Variants in SPRR3 observed in about 807,000 individuals in gnomAD.
SPRR3 encodes small proline-rich protein 3.
For synonymous variants in SPRR3, 58 were observed against 72.3 expected (o/e 0.80, Z 1.01); for missense variants, 183 against 200.3 (o/e 0.91, Z 0.52).
In SPRR3 at chr1:153,003,730, C is replaced by A; in HGVS notation, c.*200C>A. The A allele has an allele frequency of 1.3e-6, 1 of 779,330 alleles. No homozygotes were observed. The highest frequency in any genetic ancestry group is 2.0e-6 in the Non-Finnish European group (1 of 496,930). The allele number at this position is 779,330 out of a possible 1,614,324, so 48.3% of individuals were successfully genotyped here. ...CACACACTCTGAAGAATCCTGTAAGCCCCTGAATTAAGCAGAAAGTCTTCA... is the reference window on the plus strand; with the variant it reads ...CACACACTCTGAAGAATCCTGTAAGACCCTGAATTAAGCAGAAAGTCTTCA... On this transcript the variant is annotated 3_prime_UTR_variant, in exon 2 of 2. Transcript: ENST00000295367.
Position 153,003,590 on chromosome 1 carries a change from A to T in SPRR3, c.*60A>T. The T allele has an allele frequency of 6.3e-7, 1 of 1,586,094 alleles. No individual in the cohort carries two copies. The highest frequency in any genetic ancestry group is 8.6e-7 in the Non-Finnish European group (1 of 1,164,714). ...ACCAGATGCTGGACACCCTCTTCCC[A>T]TCTGTTTCTGTGTCTTAATTGTCTG... On this transcript the variant is annotated 3_prime_UTR_variant, in exon 2 of 2. Coordinates refer to ENST00000295367, the MANE Select transcript of SPRR3 (RefSeq NM_001097589.2).
chr1:153,001,827 T>C (rs556339256), intron 1 of SPRR3, 34 bp downstream of exon 1: 1 of 152,350 alleles, frequency 6.6e-6, no homozygotes, highest in East Asian at 1.9e-4. Context: ...CTTAATATTC[T>C]CCAATAGTTT....
Position 153,002,146 on chromosome 1 carries a change from G to C in SPRR3, c.-20+353G>C, listed in dbSNP as rs145727242. ...TATTGCATGAATGTATAATCCATTA[G>C]AAAACATATACTTGACTAAAATTTG... is the stretch of plus-strand genomic sequence containing the variant. On this transcript the variant is annotated intron_variant, in intron 1 of 1. Coordinates refer to ENST00000295367, the MANE Select transcript of SPRR3 (RefSeq NM_001097589.2). 478 of 152,376 alleles carry C rather than the reference G, an allele frequency of 3.1e-3. 1 individual carries two copies. The highest frequency in any genetic ancestry group is 0.011 in the African/African-American group (453 of 41,564). The allele number at this position is 152,376 out of a possible 1,614,324, so 9.4% of individuals were successfully genotyped here.
chr1:153,002,743 C>G (rs10494286), intron 1 of SPRR3: 5,837 of 476,276 alleles, frequency 0.012, 258 homozygotes, highest in African/African-American at 0.1. Flanking sequence ...TCATGTTGTA[C>G]GTAGGTTTTT....
chr1:153,003,221 C>T lies in SPRR3; in HGVS notation c.201C>T (p.Thr67=), dbSNP rs1173994597. The T allele has an allele frequency of 1.3e-6, 2 of 1,586,862 alleles. No homozygotes were observed. The highest frequency in any genetic ancestry group is 2.7e-5 in the African/African-American group (2 of 72,814). Residue 67 remains threonine, a synonymous_variant, in exon 2 of 2, where the codon ACC becomes ACT. Transcript: ENST00000295367. ...GCTKVPEPGC[T]KVPEPGCTKV... ...CCAAGGTCCCTGAGCCAGGCTGTAC[C>T]AAGGTCCCTGAGCCAGGCTGTACCA...
At chr1:153,002,515 C>T (rs1267766381) in intron 1 of SPRR3, 1 of 159,882 alleles carries the variant, frequency 6.3e-6, no homozygotes, top group Non-Finnish European at 1.4e-5. Context: ...CAATCTTCAG[C>T]CAATGACACA....
At position 153,003,124 on chromosome 1, in the gene SPRR3, C is replaced by G. The variant is rs201880669; in HGVS notation, c.104C>G (p.Pro35Arg). 1 of 1,614,144 alleles carries G rather than the reference C, an allele frequency of 6.2e-7. No individual in the cohort carries two copies. Among genetic ancestry groups the G allele is most frequent in the East Asian group, 2.2e-5 (1 of 44,870 alleles). The change falls in exon 2 of 2, where the codon CCC becomes CGC. Residue 35 changes from proline (P) to arginine (R), a missense_variant. Transcript: ENST00000295367. ...CCTCCACCTCAGGAAATATTTGTTC[C>G]CACAACCAAGGAGCCATGCCACTCA... ...SQPPPQEIFV[P>R]TTKEPCHSKV... is the part of the protein sequence containing the mutation.
chr1:153,002,692 C>T (rs955214013), intron 1 of SPRR3: 4 of 287,518 alleles, frequency 1.4e-5, no homozygotes, highest in East Asian at 1.5e-4. Context: ...AGTGTGTAAG[C>T]GAAAGCTTCA....
At position 153,003,354 on chromosome 1, in the gene SPRR3, C is replaced by T; in HGVS notation, c.334C>T (p.Pro112Ser). ...PEPGYTKVPEPGSIKVPDQGF... is the reference protein window; with the variant it reads ...PEPGYTKVPESGSIKVPDQGF... ...GCCAGGCTACACCAAGGTCCCTGAA[C>T]CAGGCAGCATCAAGGTCCCTGACCA... Residue 112 changes from proline to serine, a missense_variant, in exon 2 of 2, where the codon CCA (proline) becomes TCA (serine). Physicochemically the swap from Pro to Ser is moderately conservative, Grantham distance 74. Transcript: ENST00000295367. 1.2e-6 allele frequency: 2 copies of T among 1,613,898 alleles called. No individual in the cohort carries two copies. The highest frequency in any genetic ancestry group is 1.1e-5 in the South Asian group (1 of 91,058).
chr1:153,003,203 CCCTGAGCCAGGCTGTACCAA>C lies in SPRR3; in HGVS notation c.184_203del (p.Pro62GlyfsTer3). On this transcript the variant is annotated frameshift_variant, in exon 2 of 2. Coordinates refer to ENST00000295367, the MANE Select transcript of SPRR3 (RefSeq NM_001097589.2). LOFTEE classifies it low-confidence loss of function (END_TRUNC). ...TTCCAGAGCCAGGCTGTACCAAGGT[CCCTGAGCCAGGCTGTACCAA>C]GGTCCCTGAGCCAGGCTGTACCAAG... 15 of 1,193,302 alleles carry C rather than the reference CCCTGAGCCAGGCTGTACCAA, an allele frequency of 1.3e-5. No homozygotes were observed. Among genetic ancestry groups the C allele is most frequent in the East Asian group, 6.5e-5 (1 of 15,384 alleles). 73.9% of individuals were successfully genotyped at this position (1,193,302 alleles called of 1,614,324 possible).
chr1:153,002,923 T>A (rs1652823470), intron 1 of SPRR3, 79 bp from the exon 2 acceptor site: 3 of 1,420,886 alleles, frequency 2.1e-6, no homozygotes, highest in Non-Finnish European at 2.9e-6. Context: ...TGAAGGAGAA[T>A]GAAATGACAG....
intron 1 of SPRR3, 27 bp from the exon 2 acceptor site, chr1:153,002,975 G>A: frequency 6.4e-7 from 1 of 1,570,790 alleles, no homozygotes; most frequent in Non-Finnish European, 8.6e-7. Context: ...CTTAATCAAA[G>A]CACTGAATTA....
rs1054906111 is a variant in SPRR3, at chr1:153,003,388, T to A, written c.368T>A (p.Ile123Asn). 1.2e-6 allele frequency: 2 copies of A among 1,613,888 alleles called. No individual in the cohort carries two copies. Among genetic ancestry groups the A allele is most frequent in the Non-Finnish European group, 1.7e-6 (2 of 1,179,950 alleles). ...ATCAAGGTCCCTGACCAAGGCTTCA[T>A]CAAGTTTCCTGAGCCAGGTGCCATC... is the stretch of plus-strand genomic sequence containing the variant. Reference protein sequence around the residue: ...GSIKVPDQGFIKFPEPGAIKV... With the variant: ...GSIKVPDQGFNKFPEPGAIKV... The change falls in exon 2 of 2, where the codon ATC becomes AAC. Residue 123 changes from isoleucine to asparagine, a missense_variant. Physicochemically the swap from Ile to Asn is moderately radical, Grantham distance 149 (BLOSUM62 -3). Coordinates refer to ENST00000295367, the MANE Select transcript of SPRR3 (RefSeq NM_001097589.2).
chr1:153,002,949 C>G, intron 1 of SPRR3, 53 bp from the exon 2 acceptor site: 1 of 1,504,198 alleles, frequency 6.6e-7, no homozygotes, highest in South Asian at 1.3e-5. Flanking sequence ...TGTCATTAAA[C>G]TGGGCTTCAT....
At position 153,003,607 on chromosome 1, in the gene SPRR3, A is replaced by C. The variant is rs936477001; in HGVS notation, c.*77A>C. On this transcript the variant is annotated 3_prime_UTR_variant, in exon 2 of 2. Coordinates refer to ENST00000295367, the MANE Select transcript of SPRR3 (RefSeq NM_001097589.2). ...CTCTTCCCATCTGTTTCTGTGTCTT[A>C]ATTGTCTGTAGACCTTGTAATCAGC... 1.1e-5 allele frequency: 17 copies of C among 1,557,494 alleles called. No individual in the cohort carries two copies. Among genetic ancestry groups the C allele is most frequent in the East Asian group, 4.5e-5 (2 of 44,098 alleles).
At position 153,003,656 on chromosome 1, in the gene SPRR3, C is replaced by T; in HGVS notation, c.*126C>T. ...GCACATTGTCACCCCAAGCCATAGTCTCTCTCTTATTTGTATCCTAAAAAT... is the reference window on the plus strand; with the variant it reads ...GCACATTGTCACCCCAAGCCATAGTTTCTCTCTTATTTGTATCCTAAAAAT... On this transcript the variant is annotated 3_prime_UTR_variant, in exon 2 of 2. Coordinates refer to ENST00000295367, the MANE Select transcript of SPRR3 (RefSeq NM_001097589.2). The T allele has an allele frequency of 7.7e-7, 1 of 1,300,736 alleles. No homozygotes were observed. The highest frequency in any genetic ancestry group is 1.0e-6 in the Non-Finnish European group (1 of 957,714). The allele number at this position is 1,300,736 out of a possible 1,614,324, so 80.6% of individuals were successfully genotyped here.
At position 153,003,366 on chromosome 1, in the gene SPRR3, A is replaced by C; in HGVS notation, c.346A>C (p.Lys116Gln). The C allele has an allele frequency of 6.2e-7, 1 of 1,614,078 alleles. No individual in the cohort carries two copies. The highest frequency in any genetic ancestry group is 8.5e-7 in the Non-Finnish European group (1 of 1,179,996). The change falls in exon 2 of 2, where the codon AAG becomes CAG. Residue 116 changes from lysine to glutamine, a missense_variant. Lys to Gln is a moderately conservative substitution (Grantham distance 53). Transcript: ENST00000295367. ...YTKVPEPGSI[K>Q]VPDQGFIKFP... The stretch of plus-strand genomic sequence containing the variant: ...CAAGGTCCCTGAACCAGGCAGCATC[A>C]AGGTCCCTGACCAAGGCTTCATCAA...
rs1652884712 is a variant in SPRR3, at chr1:153,003,634, C to T, written c.*104C>T. The T allele has an allele frequency of 1.4e-6, 2 of 1,425,056 alleles. No individual in the cohort carries two copies. The highest frequency in any genetic ancestry group is 1.9e-6 in the Non-Finnish European group (2 of 1,059,940). 88.3% of individuals were successfully genotyped at this position (1,425,056 alleles called of 1,614,324 possible). ...TTGTCTGTAGACCTTGTAATCAGCA[C>T]ATTGTCACCCCAAGCCATAGTCTCT... On this transcript the variant is annotated 3_prime_UTR_variant, in exon 2 of 2. Coordinates refer to ENST00000295367, the MANE Select transcript of SPRR3 (RefSeq NM_001097589.2).
In SPRR3 at chr1:153,003,615, G is replaced by T. The variant is rs1652883891; in HGVS notation, c.*85G>T. 2.6e-6 allele frequency: 4 copies of T among 1,527,834 alleles called. No homozygotes were observed. The South Asian group carries it at 5.1e-5, about 20-fold the overall frequency. The allele number at this position is 1,527,834 out of a possible 1,614,324, so 94.6% of individuals were successfully genotyped here. ...ATCTGTTTCTGTGTCTTAATTGTCT[G>T]TAGACCTTGTAATCAGCACATTGTC... On this transcript the variant is annotated 3_prime_UTR_variant, in exon 2 of 2. Coordinates refer to ENST00000295367, the MANE Select transcript of SPRR3 (RefSeq NM_001097589.2).
Sources: allele counts gnomAD v4.1 joint callset, GRCh38; gene constraint gnomAD v4.1.1; transcripts MANE v1.5; gene names NCBI Gene and HGNC (gene_info 2026-07-23, HGNC 2026-07-21).